Variants in ZNF217 observed in about 807,000 individuals in gnomAD.
The protein encoded by ZNF217 is zinc finger protein 217.
In ZNF217, 12 loss-of-function variants were observed where a neutral mutation model predicts 73.3. That is an observed-to-expected ratio of 0.16 (90% CI 0.10 to 0.27). ZNF217 has a LOEUF of 0.27. ZNF217 is among the 10% of genes least tolerant of loss of function. The pLI is 1.00. For synonymous variants in ZNF217, 588 were observed against 516.4 expected (o/e 1.14, Z -1.88); for missense variants, 1,195 against 1,327.8 (o/e 0.90, Z 1.55).
At position 53,580,165 on chromosome 20, in the gene ZNF217, A is replaced by G. The variant is rs148555453; in HGVS notation, c.1366+1296T>C. Among the ~76,000 whole-genome samples the G allele has an allele frequency of 9.0e-3, 1,364 of 152,312 alleles. 27 individuals carry two copies. Among genetic ancestry groups the G allele is most frequent in the African/African-American group, 0.031 (1,271 of 41,558 alleles). On this transcript the variant is annotated intron_variant, in intron 2 of 5. Transcript: ENST00000371471. ...GTCCCAGGAAACTCAAAAACATTCT[A>G]AAGATTTGATATACAGACTACAGTT...
At chr20:53,587,187 T>C (rs1988726543) in intron 1 of ZNF217, among the ~76,000 whole-genome samples, 1 of 152,174 alleles carries the variant, frequency 6.6e-6, no homozygotes, top group Non-Finnish European at 1.5e-5. Context: ...GAGCGTAATC[T>C]TTGAAATCCA....
rs1490309499 is a variant in ZNF217 at position 53,592,744 on chromosome 20, G to A, written c.-343+1012C>T. Among the ~76,000 whole-genome samples, 3 of 151,502 alleles carry A rather than the reference G, an allele frequency of 2.0e-5. No individual in the cohort carries two copies. The East Asian group carries it at 5.9e-4, about 30-fold the overall frequency. On this transcript the variant is annotated intron_variant, in intron 1 of 5. Coordinates refer to ENST00000371471, the MANE Select transcript of ZNF217 (RefSeq NM_006526.3). ...CCTCCGCCTCTCCACCATCCCGTCC[G>A]GCTCGCAGTCGGGGCCAAATCGAGA...
At chr20:53,592,241 G>A (rs904228083) in intron 1 of ZNF217, among the ~76,000 whole-genome samples, 3 of 152,132 alleles carry the variant, frequency 2.0e-5, no homozygotes, top group African/African-American at 4.8e-5. Flanking sequence ...CACTGCAACC[G>A]CCATTTACTT....
chr20:53,570,013 A>AG lies in ZNF217; in HGVS notation c.*24-750dup, dbSNP rs1987923655. On this transcript the variant is annotated intron_variant, in intron 5 of 5. Coordinates refer to ENST00000371471, the MANE Select transcript of ZNF217 (RefSeq NM_006526.3). Reference sequence around the variant, plus strand: ...AGAGGCTGGAAAGCAAAGACAGAGCAGGCAGGATGTTCTCCAGATGAAGGA... The same window carrying AG: ...AGAGGCTGGAAAGCAAAGACAGAGCAGGGCAGGATGTTCTCCAGATGAAGGA... 3.9e-5 allele frequency among the ~76,000 whole-genome samples: 6 copies of AG among 152,230 alleles called. No homozygotes were observed. In the South Asian group the frequency reaches 1.2e-3, roughly 32 times the overall value.
upstream of ZNF217, among the ~76,000 whole-genome samples, chr20:53,596,201 T>C (rs1416938946): frequency 3.9e-5 from 6 of 152,010 alleles, no homozygotes; most frequent in Non-Finnish European, 8.8e-5. Context: ...TTTGTTCACA[T>C]TATAGCATCA....
In ZNF217 at chr20:53,581,957, G is replaced by A. The variant is rs770936585; in HGVS notation, c.870C>T (p.Leu290=). The change falls in exon 2 of 6, where the codon CTC becomes CTT. Residue 290 remains leucine (L), a synonymous_variant. Coordinates refer to ENST00000371471, the MANE Select transcript of ZNF217 (RefSeq NM_006526.3). The surrounding 1 kb of genome is among the most constrained non-coding windows in gnomAD (Gnocchi z 4.9). The stretch of plus-strand genomic sequence containing the variant: ...AAGCCTGGAAGGTGGTGAACGGATC[G>A]AGCTGAGGGATGCATCTGACAGGCT... ...GKKPVRCIPQ[L]DPFTTFQAWQ... The A allele has an allele frequency of 8.1e-6, 13 of 1,614,074 alleles. No individual in the cohort carries two copies. The highest frequency in any genetic ancestry group is 1.1e-5 in the South Asian group (1 of 91,092).
rs1315611434 is a variant in ZNF217 at position 53,567,184 on chromosome 20, C to T, written c.*2104G>A. Reference sequence around the variant, plus strand: ...TACTGTTCGACAACTTAAGTATCAACAATTAAAATAAATCAAACTGGAATG... The same window carrying T: ...TACTGTTCGACAACTTAAGTATCAATAATTAAAATAAATCAAACTGGAATG... On this transcript the variant is annotated 3_prime_UTR_variant, in exon 6 of 6. Transcript: ENST00000371471. 6.6e-6 allele frequency: 1 copy of T among 152,020 alleles called. No individual in the cohort carries two copies. The highest frequency in any genetic ancestry group is 1.9e-4 in the East Asian group (1 of 5,184). The allele number at this position is 152,020 out of a possible 1,614,324, so 9.4% of individuals were successfully genotyped here.
chr20:53,569,915 G>A (rs117605297), intron 5 of ZNF217, among the ~76,000 whole-genome samples: 21 of 152,248 alleles, frequency 1.4e-4, no homozygotes, highest in East Asian at 5.8e-4. Context: ...AGCCAAGATC[G>A]TGCCACTGCA....
chr20:53,569,521 T>C (rs1353505492), intron 5 of ZNF217, among the ~76,000 whole-genome samples: 1 of 152,164 alleles, frequency 6.6e-6, no homozygotes, highest in Non-Finnish European at 1.5e-5. Context: ...TAGCTGGGAC[T>C]ACAGGCATGC....
intron 1 of ZNF217, among the ~76,000 whole-genome samples, chr20:53,587,541 T>C (rs1255337924): frequency 2.0e-5 from 3 of 152,194 alleles, no homozygotes; most frequent in Non-Finnish European, 4.4e-5. Flanking sequence ...GGAATATGCA[T>C]CTACCATAAT....
Position 53,576,334 on chromosome 20 carries a change from A to G in ZNF217, c.2430T>C (p.Ser810=), listed in dbSNP as rs779481124. ...TCAGGTTACTTGGGGCTAAAGTGCT[A>G]GAGTCTATCCCTGAAGTCAGAGGGG... The part of the protein sequence containing the change: ...GKAPLTSGID[S]STLAPSNLKS... The change falls in exon 4 of 6, where the codon TCT becomes TCC. Residue 810 remains serine, a synonymous_variant. Coordinates refer to ENST00000371471, the MANE Select transcript of ZNF217 (RefSeq NM_006526.3). The G allele has an allele frequency of 2.5e-6, 4 of 1,614,076 alleles. No individual in the cohort carries two copies. Among genetic ancestry groups the G allele is most frequent in the African/African-American group, 2.7e-5 (2 of 74,936 alleles).
chr20:53,570,386 C>A (rs1987941683), intron 5 of ZNF217: 1 of 153,034 alleles, frequency 6.5e-6, no homozygotes, highest in South Asian at 2.1e-4. Context: ...GGACCACGAG[C>A]ATCTTTTCAT....
chr20:53,590,128 G>C (rs189197223), intron 1 of ZNF217, among the ~76,000 whole-genome samples: 25 of 151,562 alleles, frequency 1.6e-4, no homozygotes, highest in African/African-American at 5.8e-4. Flanking sequence ...GATTTCAATT[G>C]TAGTAACTGG....
At chr20:53,577,405 G>T in intron 3 of ZNF217, 125 bp from the exon 4 acceptor site, 1 of 832,628 alleles carries the variant, frequency 1.2e-6, no homozygotes, top group Non-Finnish European at 1.8e-6. Flanking sequence ...TATCACATAG[G>T]ATTTCTCATC....
At chr20:53,594,443 C>CCCGCCGCCGACT (rs1296311857), upstream of ZNF217, among the ~76,000 whole-genome samples, 1 of 151,182 alleles carries the variant, frequency 6.6e-6, no homozygotes, top group Non-Finnish European at 1.5e-5. Flanking sequence ...TGCTCCGCCC[C>CCCGCCGCCGACT]CCGCCGCCGA....
rs1988292411 is a variant in ZNF217, at chr20:53,576,797, G to A, written c.1967C>T (p.Thr656Ile). The A allele has an allele frequency of 2.5e-6, 4 of 1,614,216 alleles. No individual in the cohort carries two copies. Among genetic ancestry groups the A allele is most frequent in the Non-Finnish European group, 3.4e-6 (4 of 1,180,042 alleles). The change falls in exon 4 of 6, where the codon ACC becomes ATC. Residue 656 changes from threonine to isoleucine, a missense_variant. Transcript: ENST00000371471. ...TTTGGGGCTAACTTCAAGGTTATGG[G>A]TGGTACTGCCATCCGGAGGAGGAGT... The part of the protein sequence containing the change: ...DVTPPPDGST[T>I]HNLEVSPKEK...
At position 53,581,737 on chromosome 20, in the gene ZNF217, C is replaced by G. The variant is rs751571474; in HGVS notation, c.1090G>C (p.Asp364His). 1.9e-6 allele frequency: 3 copies of G among 1,614,244 alleles called. No homozygotes were observed. The highest frequency in any genetic ancestry group is 1.1e-5 in the South Asian group (1 of 91,086). Residue 364 changes from aspartate to histidine, a missense_variant, in exon 2 of 6, where the codon GAT (aspartate) becomes CAT (histidine). By Grantham distance (81) the Asp-to-His change is moderately conservative. This residue lies in a region of ZNF217 where 102 missense variants were observed against 91.9 expected (regional missense o/e 1.11). Coordinates refer to ENST00000371471, the MANE Select transcript of ZNF217 (RefSeq NM_006526.3). The surrounding 1 kb of genome is among the most constrained non-coding windows in gnomAD (Gnocchi z 4.9). ...TCCTTGCTACTGGGTAACTTGGGATCCGCGTCCACGGAGGGCGCTTCGCCG... is the reference window on the plus strand; with the variant it reads ...TCCTTGCTACTGGGTAACTTGGGATGCGCGTCCACGGAGGGCGCTTCGCCG... The part of the protein sequence containing the change: ...SHGEAPSVDA[D>H]PKLPSSKEKP...
At chr20:53,590,331 C>A (rs1379373296) in intron 1 of ZNF217, among the ~76,000 whole-genome samples, 1 of 152,076 alleles carries the variant, frequency 6.6e-6, no homozygotes, top group Non-Finnish European at 1.5e-5. Context: ...TAGGAAGGAA[C>A]GATTTAAAAC....
At chr20:53,577,695 A>C (rs1479461250) in intron 3 of ZNF217, among the ~76,000 whole-genome samples, 1 of 152,256 alleles carries the variant, frequency 6.6e-6, no homozygotes, top group East Asian at 1.9e-4. Context: ...AAGACTACTA[A>C]ATAGATTCTC....
Sources: allele counts gnomAD v4.1 joint callset (sites outside exome capture counted in the v4.1 genomes callset), GRCh38; gene constraint gnomAD v4.1.1; regional missense constraint gnomAD v4.1.1; non-coding constraint Gnocchi (gnomAD v3.1); transcripts MANE v1.5; gene names NCBI Gene and HGNC (gene_info 2026-07-23, HGNC 2026-07-21).